Variants in C1orf87 observed in about 807,000 individuals in gnomAD.
The protein encoded by C1orf87 is uncharacterized protein C1orf87.
C1orf87 carries 58 observed loss-of-function variants against 60.5 expected under a neutral mutation model. The observed-to-expected ratio is 0.96, with a 90% CI of 0.78 to 1.19. The LOEUF is 1.19. Among genes scored for constraint, C1orf87 ranks in the 50% most tolerant of loss-of-function variants. C1orf87 has a pLI of 0.00. For synonymous variants in C1orf87, 236 were observed against 227.4 expected (o/e 1.04, Z -0.34); for missense variants, 673 against 638.6 (o/e 1.05, Z -0.58).
At chr1:59,997,918 G>A in intron 10 of C1orf87, 102 bp from the exon 11 acceptor site, 1 of 1,166,762 alleles carries the variant, frequency 8.6e-7, no homozygotes, top group Non-Finnish European at 1.2e-6. Flanking sequence ...TTTATAGCAA[G>A]GTTTGAGTTT....
intron 7 of C1orf87, among the ~76,000 whole-genome samples, chr1:60,031,568 T>C (rs1645238041): frequency 6.6e-6 from 1 of 152,192 alleles, no homozygotes. Flanking sequence ...CACTGATTTC[T>C]TTTTTATAAG....
intron 8 of C1orf87, among the ~76,000 whole-genome samples, chr1:60,024,894 C>A (rs1487176109): frequency 6.6e-6 from 1 of 152,142 alleles, no homozygotes; most frequent in Non-Finnish European, 1.5e-5. Context: ...GTGGAAGTTT[C>A]CTGCTTTGTT....
rs570919299 is a variant in C1orf87 at position 60,009,339 on chromosome 1, C to T, written c.1192+1053G>A. Among the ~76,000 whole-genome samples the T allele has an allele frequency of 1.5e-4, 8 of 51,620 alleles. No individual in the cohort carries two copies. In the South Asian group the frequency reaches 0.01, roughly 65 times the overall value. 33.9% of individuals were successfully genotyped at this position (51,620 alleles called of 152,430 possible). ...AGAAGCTGAAACCGGCAAGAAAGAA[C>T]TCTTCTCTAGAGTGTTCAGGGAGAG... On this transcript the variant is annotated intron_variant, in intron 9 of 11. Transcript: ENST00000371201.
At chr1:59,991,770 T>C (rs899901757) in intron 11 of C1orf87, among the ~76,000 whole-genome samples, 35 of 152,166 alleles carry the variant, frequency 2.3e-4, no homozygotes, top group African/African-American at 8.4e-4. Flanking sequence ...CCAATACCAA[T>C]GTCAGTATGC....
chr1:60,058,261 C>G (rs544751712), intron 2 of C1orf87, among the ~76,000 whole-genome samples: 12 of 152,102 alleles, frequency 7.9e-5, no homozygotes, highest in Non-Finnish European at 1.2e-4. Context: ...GATGCTGGTA[C>G]TATTTTGTTT....
chr1:60,061,882 T>C (rs551392336), intron 2 of C1orf87, among the ~76,000 whole-genome samples: 1 of 151,034 alleles, frequency 6.6e-6, no homozygotes, highest in East Asian at 2.0e-4. Flanking sequence ...GCCCAGGAGT[T>C]CCAGGCTGCA....
At chr1:60,040,685 G>A (rs1429719207) in intron 4 of C1orf87, among the ~76,000 whole-genome samples, 1 of 152,106 alleles carries the variant, frequency 6.6e-6, no homozygotes, top group Non-Finnish European at 1.5e-5. Context: ...AACTCCTCAG[G>A]ACACTTTCTG....
chr1:60,042,246 AT>A (rs1645330786), intron 3 of C1orf87, among the ~76,000 whole-genome samples: 1 of 152,062 alleles, frequency 6.6e-6, no homozygotes, highest in Non-Finnish European at 1.5e-5. Flanking sequence ...TTATTTATTT[AT>A]TTTTGAGACG....
intron 3 of C1orf87, among the ~76,000 whole-genome samples, chr1:60,041,392 T>C (rs1454674037): frequency 6.6e-6 from 1 of 152,128 alleles, no homozygotes; most frequent in Non-Finnish European, 1.5e-5. Flanking sequence ...GGCAAGAAAG[T>C]GTGACAGGCA....
chr1:60,014,802 C>T (rs925474720), intron 8 of C1orf87, among the ~76,000 whole-genome samples: 2 of 152,162 alleles, frequency 1.3e-5, no homozygotes, highest in Non-Finnish European at 2.9e-5. Context: ...TTTGTCTCAG[C>T]ACATACTGCT....
chr1:60,044,642 G>C (rs774638359), intron 3 of C1orf87, among the ~76,000 whole-genome samples: 3 of 152,090 alleles, frequency 2.0e-5, no homozygotes, highest in Non-Finnish European at 2.9e-5. Context: ...TGCAGGCTGG[G>C]CTTCAGATTT....
Position 59,990,736 on chromosome 1 carries a change from G to T in C1orf87, c.1578C>A (p.Arg526=). Residue 526 remains arginine (R), a synonymous_variant, in exon 12 of 12, where the codon CGC becomes CGA. Transcript: ENST00000371201. ...GCATATTTTCTCCCGAACGGAATCT[G>T]CGCAAGGCCTGGTCGATTTTCTGAG... ...LSPQKIDQAL[R]RFRSGENMLL... is the part of the protein sequence containing the mutation. 3.1e-6 allele frequency: 5 copies of T among 1,614,118 alleles called. No homozygotes were observed. The highest frequency in any genetic ancestry group is 4.2e-6 in the Non-Finnish European group (5 of 1,179,984).
rs201317358 is a variant in C1orf87, at chr1:60,041,070, T to C, written c.404A>G (p.Tyr135Cys). 280 of 1,613,272 alleles carry C rather than the reference T, an allele frequency of 1.7e-4. 1 individual carries two copies. The South Asian group carries it at 2.1e-3, about 12-fold the overall frequency. ...CTTTCTCCTGGGAATGCCATGCACA[T>C]AGGATAAGGACTGGTCTCCGGTTGG... ...SVPTGDQSLSYVHGIPRRKLR... is the reference protein window; with the variant it reads ...SVPTGDQSLSCVHGIPRRKLR... The change falls in exon 4 of 12, where the codon TAT becomes TGT. Residue 135 changes from tyrosine to cysteine, a missense_variant. Tyr to Cys is a radical substitution (Grantham distance 194). Coordinates refer to ENST00000371201, the MANE Select transcript of C1orf87 (RefSeq NM_152377.3).
intron 2 of C1orf87, among the ~76,000 whole-genome samples, chr1:60,058,734 T>C (rs1645474053): frequency 1.3e-5 from 2 of 152,208 alleles, no homozygotes; most frequent in South Asian, 4.1e-4. Context: ...GATTTAAACC[T>C]GTCTACTTCA....
At position 60,040,129 on chromosome 1, in the gene C1orf87, C is replaced by G. The variant is rs146681392; in HGVS notation, c.535G>C (p.Ala179Pro). The G allele has an allele frequency of 8.7e-6, 14 of 1,613,910 alleles. No individual in the cohort carries two copies. Among genetic ancestry groups the G allele is most frequent in the African/African-American group, 2.7e-5 (2 of 74,876 alleles). The change falls in exon 5 of 12, where the codon GCC becomes CCC. Residue 179 changes from alanine (A) to proline (P), a missense_variant. By Grantham distance (27) the Ala-to-Pro change is conservative. Transcript: ENST00000371201. ...GTTNEDAFLL[A>P]LVRRELKSRP... Reference sequence around the variant, plus strand: ...GACTTGAGTTCTCTTCTGACCAGGGCAAGAAGAAAAGCGTCTTCATTTGTT... The same window carrying G: ...GACTTGAGTTCTCTTCTGACCAGGGGAAGAAGAAAAGCGTCTTCATTTGTT...
At chr1:60,024,865 T>C (rs1407078671) in intron 8 of C1orf87, among the ~76,000 whole-genome samples, 1 of 152,208 alleles carries the variant, frequency 6.6e-6, no homozygotes, top group African/African-American at 2.4e-5. Flanking sequence ...TAGTCCCTGA[T>C]AGTCTGTAAT....
intron 10 of C1orf87, 115 bp downstream of exon 10, chr1:60,000,962 T>C (rs1267270600): frequency 1.4e-5 from 12 of 829,670 alleles, no homozygotes; most frequent in Non-Finnish European, 2.1e-5. Context: ...CAGTCTGACA[T>C]CAAGGGTTTG....
Position 60,039,294 on chromosome 1 carries a change from G to A in C1orf87, c.747+623C>T, listed in dbSNP as rs561714762. Reference sequence around the variant, plus strand: ...TTGCTATTATTTCTTCCTATTTCAGGGTATTTTCCTCTGGCTCCCTGAATT... The same window carrying A: ...TTGCTATTATTTCTTCCTATTTCAGAGTATTTTCCTCTGGCTCCCTGAATT... On this transcript the variant is annotated intron_variant, in intron 5 of 11. Transcript: ENST00000371201. Among the ~76,000 whole-genome samples the A allele has an allele frequency of 7.1e-4, 108 of 152,000 alleles. 4 individuals are homozygous for A. In the South Asian group the frequency reaches 0.022, roughly 30 times the overall value.
chr1:60,043,738 G>A (rs1185854116), intron 3 of C1orf87, among the ~76,000 whole-genome samples: 1 of 151,850 alleles, frequency 6.6e-6, no homozygotes, highest in Non-Finnish European at 1.5e-5. Flanking sequence ...ATGTTTCTTT[G>A]CAAATTATTT....
Sources: gnomAD v4.1 joint callset for allele counts (sites outside exome capture counted in the v4.1 genomes callset) on GRCh38, gnomAD v4.1.1 for gene constraint, MANE v1.5 for transcripts, NCBI Gene and HGNC (gene_info 2026-07-23, HGNC 2026-07-21) for gene names.